C12orf42: variants seen among roughly 807,000 people sequenced by gnomAD.
The protein encoded by C12orf42 is uncharacterized protein C12orf42.
C12orf42 carries 25 observed loss-of-function variants against 21.6 expected under a neutral mutation model. That is an observed-to-expected ratio of 1.16 (90% CI 0.84 to 1.62). The LOEUF (loss-of-function observed/expected upper bound fraction) is 1.62, where lower values mean the gene tolerates loss of function less well. Ranked by LOEUF, C12orf42 falls within the 40% of genes most tolerant of loss-of-function variation. The probability of loss-of-function intolerance (pLI) is 0.00; values close to 1 mark genes in which losing one functional copy is unlikely to be tolerated. For synonymous variants in C12orf42, 174 were observed against 175.0 expected (o/e 0.99, Z 0.05); for missense variants, 483 against 459.3 (o/e 1.05, Z -0.47).
chr12:103,540,146 T>A, the C12orf42 span, among the ~76,000 whole-genome samples: 12 of 151,750 alleles, frequency 7.9e-5, no homozygotes, highest in African/African-American at 2.9e-4. Flanking sequence ...TAGCTAGGAT[T>A]ACAGGCACAT....
intron 5 of C12orf42, chr12:103,273,941 T>C: frequency 2.2e-6 from 1 of 456,080 alleles, no homozygotes; most frequent in South Asian, 1.5e-5. Context: ...ATACTCACAG[T>C]AAGTACTCAG....
the C12orf42 span, among the ~76,000 whole-genome samples, chr12:103,092,367 A>T: frequency 2.0e-5 from 3 of 152,258 alleles, no homozygotes; most frequent in Non-Finnish European, 4.4e-5. Flanking sequence ...GGGGGGAAAA[A>T]ACAGCATATG....
At chr12:103,145,158 T>C in the C12orf42 span, among the ~76,000 whole-genome samples, 1 of 152,308 alleles carries the variant, frequency 6.6e-6, no homozygotes, top group South Asian at 2.1e-4. Flanking sequence ...CTCAAACTTT[T>C]ATACTGTACT....
chr12:103,222,185 G>T, the C12orf42 span, among the ~76,000 whole-genome samples: 2 of 152,174 alleles, frequency 1.3e-5, no homozygotes, highest in African/African-American at 2.4e-5. Context: ...TATTTCACCT[G>T]GGTGCAGGCG....
chr12:103,113,622 A>G, the C12orf42 span, among the ~76,000 whole-genome samples: 1 of 152,200 alleles, frequency 6.6e-6, no homozygotes, highest in East Asian at 1.9e-4. Context: ...GTTGCTTACC[A>G]TCGTATAGTG....
chr12:103,251,845 G>A (rs188922035), intron 10 of C12orf42, among the ~76,000 whole-genome samples: 2 of 152,228 alleles, frequency 1.3e-5, no homozygotes, highest in East Asian at 1.9e-4. Context: ...AAGCATATAA[G>A]ACCTTCACCA....
At chr12:103,117,185 A>G in the C12orf42 span, among the ~76,000 whole-genome samples, 1 of 152,148 alleles carries the variant, frequency 6.6e-6, no homozygotes, top group Non-Finnish European at 1.5e-5. Context: ...AAATCTCCTT[A>G]TCTCTCCTTC....
the C12orf42 span, among the ~76,000 whole-genome samples, chr12:103,129,067 T>C: frequency 4.3e-4 from 66 of 152,290 alleles, 1 homozygote; most frequent in Admixed American, 3.1e-3. Flanking sequence ...CTGTCAGTCA[T>C]CAGTGTTCTC....
chr12:103,364,635 A>C (rs2044428404), intron 4 of C12orf42, among the ~76,000 whole-genome samples: 1 of 152,074 alleles, frequency 6.6e-6, no homozygotes. Flanking sequence ...GCTCAATTGG[A>C]AAGAAAATGA....
At chr12:103,059,489 C>T in the C12orf42 span, among the ~76,000 whole-genome samples, 1 of 152,142 alleles carries the variant, frequency 6.6e-6, no homozygotes, top group East Asian at 1.9e-4. Flanking sequence ...AGGGTAGTAT[C>T]ATCCTGATAC....
intron 2 of C12orf42, among the ~76,000 whole-genome samples, chr12:103,421,792 G>A (rs1056743054): frequency 1.3e-5 from 2 of 152,154 alleles, no homozygotes; most frequent in Non-Finnish European, 2.9e-5. Flanking sequence ...GTCTGCACAA[G>A]TGTGTGTGCA....
At chr12:103,468,436 G>A (rs1437377969) in intron 2 of C12orf42, among the ~76,000 whole-genome samples, 1 of 152,182 alleles carries the variant, frequency 6.6e-6, no homozygotes, top group Non-Finnish European at 1.5e-5. Flanking sequence ...TCATAGGATG[G>A]CTATGTAATT....
chr12:103,539,834 T>C, the C12orf42 span, among the ~76,000 whole-genome samples: 5 of 151,908 alleles, frequency 3.3e-5, no homozygotes, highest in Non-Finnish European at 4.4e-5. Flanking sequence ...CCGCCTTGGC[T>C]TCCCAAAGTG....
At chr12:103,430,339 G>A (rs1413516761) in intron 2 of C12orf42, among the ~76,000 whole-genome samples, 2 of 152,182 alleles carry the variant, frequency 1.3e-5, no homozygotes, top group Non-Finnish European at 2.9e-5. Context: ...AGACATCTAT[G>A]CGGCCAACAA....
At chr12:103,054,116 T>C in the C12orf42 span, among the ~76,000 whole-genome samples, 2 of 151,888 alleles carry the variant, frequency 1.3e-5, no homozygotes, top group African/African-American at 4.8e-5. Flanking sequence ...TGTCTAGATA[T>C]ATAAGAAATC....
At chr12:103,450,272 G>A (rs763530283) in intron 2 of C12orf42, among the ~76,000 whole-genome samples, 20 of 152,048 alleles carry the variant, frequency 1.3e-4, no homozygotes, top group Admixed American at 9.2e-4. Context: ...GTCCACCAGT[G>A]AAATTGCCTA....
intron 1 of C12orf42, among the ~76,000 whole-genome samples, chr12:103,486,281 A>G (rs1954825436): frequency 6.6e-6 from 1 of 152,182 alleles, no homozygotes; most frequent in African/African-American, 2.4e-5. Context: ...ACATTTATTA[A>G]TCTGCATATG....
chr12:103,563,137 G>T, the C12orf42 span, among the ~76,000 whole-genome samples: 8 of 152,140 alleles, frequency 5.3e-5, no homozygotes, highest in Non-Finnish European at 1.0e-4. Context: ...TGCTCTTCAG[G>T]TTCCTTGAAC....
At chr12:103,218,776 C>T in the C12orf42 span, among the ~76,000 whole-genome samples, 1 of 152,178 alleles carries the variant, frequency 6.6e-6, no homozygotes, top group Non-Finnish European at 1.5e-5. Flanking sequence ...CCTTTCTGGT[C>T]ATTTCCACAG....
Sources: allele counts gnomAD v4.1 joint callset (sites outside exome capture counted in the v4.1 genomes callset), GRCh38; gene constraint gnomAD v4.1.1; transcripts MANE v1.5; gene names NCBI Gene and HGNC (gene_info 2026-07-23, HGNC 2026-07-21).